Variants in ESRRB observed in about 807,000 individuals in gnomAD.
ESRRB encodes the protein estrogen related receptor beta.
ESRRB carries 16 observed loss-of-function variants against 46.0 expected under a neutral mutation model. The observed-to-expected ratio is 0.35, with a 90% CI of 0.24 to 0.53. The LOEUF (loss-of-function observed/expected upper bound fraction) is 0.53, where lower values mean the gene tolerates loss of function less well. Among genes scored for constraint, ESRRB ranks in the 20% least tolerant of loss-of-function variants. The pLI is 0.93. For synonymous variants in ESRRB, 246 were observed against 259.6 expected, an observed-to-expected ratio of 0.95 and a Z score of 0.50; for missense variants, 488 against 607.4, an observed-to-expected ratio of 0.80 and a Z score of 2.07.
intron 3 of ESRRB, among the ~76,000 whole-genome samples, chr14:76,479,204 C>T (rs1889703782): frequency 6.8e-6 from 1 of 147,314 alleles, no homozygotes. Context: ...CACACCTACT[C>T]AGCACTGTCT....
intron 3 of ESRRB, among the ~76,000 whole-genome samples, chr14:76,474,968 C>A (rs1889518929): frequency 6.6e-6 from 1 of 151,516 alleles, no homozygotes; most frequent in African/African-American, 2.4e-5. Flanking sequence ...GTGGTTCATA[C>A]CTGTAATCCC....
At chr14:76,415,409 C>A (rs774886258) in intron 1 of ESRRB, among the ~76,000 whole-genome samples, 6 of 152,146 alleles carry the variant, frequency 3.9e-5, no homozygotes, top group Non-Finnish European at 7.3e-5. Context: ...CTCCTGCAAT[C>A]CCAGCACTTT....
intron 1 of ESRRB, among the ~76,000 whole-genome samples, chr14:76,398,510 A>C (rs1231325044): frequency 2.0e-5 from 3 of 152,012 alleles, no homozygotes; most frequent in Admixed American, 6.6e-5. Context: ...CCACCTTGTC[A>C]CCTTTCATTT....
At chr14:76,354,233 CCCA>C (rs201319116) in intron 1 of ESRRB, among the ~76,000 whole-genome samples, 1,162 of 102,458 alleles carry the variant, frequency 0.011, 84 homozygotes, top group African/African-American at 0.044. Flanking sequence ...CGCCCCCCCC[CCCA>C]CCCACACTTC....
At chr14:76,425,647 G>A (rs1386097851) in intron 1 of ESRRB, among the ~76,000 whole-genome samples, 1 of 152,130 alleles carries the variant, frequency 6.6e-6, no homozygotes, top group Non-Finnish European at 1.5e-5. Context: ...CCTCAGAGAA[G>A]CCCTCTCTGG....
intron 1 of ESRRB, among the ~76,000 whole-genome samples, chr14:76,316,405 T>A (rs554169963): frequency 7.2e-5 from 11 of 152,288 alleles, no homozygotes; most frequent in African/African-American, 2.6e-4. Flanking sequence ...CTCCCTCCCC[T>A]CTGCTCCTGC....
At chr14:76,315,466 C>T (rs1883788573) in intron 1 of ESRRB, among the ~76,000 whole-genome samples, 1 of 152,190 alleles carries the variant, frequency 6.6e-6, no homozygotes, top group African/African-American at 2.4e-5. Context: ...AATCCTGGCG[C>T]TCACCTTTCT....
chr14:76,316,266 G>A (rs12436776), intron 1 of ESRRB, among the ~76,000 whole-genome samples: 15,375 of 152,210 alleles, frequency 0.1, 831 homozygotes, highest in South Asian at 0.15. Context: ...AGGGACTCAC[G>A]ATGCGGCCAG....
chr14:76,344,418 C>A (rs942857074), intron 1 of ESRRB, among the ~76,000 whole-genome samples: 1 of 151,960 alleles, frequency 6.6e-6, no homozygotes. Context: ...TACCCCTTGC[C>A]CCCCTCCCAC....
chr14:76,401,712 T>C (rs964969203), intron 1 of ESRRB, among the ~76,000 whole-genome samples: 12 of 152,154 alleles, frequency 7.9e-5, no homozygotes, highest in African/African-American at 2.9e-4. Flanking sequence ...CCATACAGCC[T>C]AGGGGTGTAG....
At position 76,451,789 on chromosome 14, in the gene ESRRB, A is replaced by ATT. The variant is rs111716273; in HGVS notation, c.461-10734_461-10733dup. Among the ~76,000 whole-genome samples the ATT allele has an allele frequency of 2.9e-3, 354 of 122,748 alleles. 8 individuals are homozygous for ATT. The highest frequency in any genetic ancestry group is 0.01 in the African/African-American group (333 of 32,992). 80.5% of individuals were successfully genotyped at this position (122,748 alleles called of 152,430 possible). A position where few individuals can be genotyped will look rare whatever the true frequency, so the allele number is the denominator to read the frequency against. The stretch of plus-strand genomic sequence containing the variant: ...AGGTGTGGGCCACCATGCCCAGCTA[A>ATT]TTTTTTTTTTTTTTTTTTTTTTTAG... On this transcript the variant is annotated intron_variant, in intron 2 of 6. Transcript: ENST00000644823.
chr14:76,478,892 G>C (rs1192268372), intron 3 of ESRRB, among the ~76,000 whole-genome samples: 1 of 152,140 alleles, frequency 6.6e-6, no homozygotes, highest in Admixed American at 6.6e-5. Flanking sequence ...GGGCTTGCAG[G>C]GGGTGAGGGA....
At chr14:76,468,627 T>C (rs1472031556) in intron 3 of ESRRB, among the ~76,000 whole-genome samples, 2 of 150,134 alleles carry the variant, frequency 1.3e-5, no homozygotes, top group African/African-American at 5.1e-5. Flanking sequence ...TGGTTAAACC[T>C]CATCTTCACC....
chr14:76,320,762 C>G (rs12880788), intron 1 of ESRRB, among the ~76,000 whole-genome samples: 65,987 of 152,010 alleles, frequency 0.43, 14,951 homozygotes, highest in South Asian at 0.52. Context: ...TTGGTGCCTT[C>G]ATGGTGTGAA....
rs3832965 is a variant in ESRRB, at chr14:76,446,369, G to GT, written c.460+6631dup. Among the ~76,000 whole-genome samples, 1,191 of 145,882 alleles carry GT rather than the reference G, an allele frequency of 8.2e-3. 5 individuals carry two copies. The highest frequency in any genetic ancestry group is 0.019 in the African/African-American group (759 of 39,856). On this transcript the variant is annotated intron_variant, in intron 2 of 6. Transcript: ENST00000644823. ...AAAGGGAGGTTTTTTTCTGTTGTTC[G>GT]TTTTTTTTTTTTGTTTTGTTTTTGT... is the stretch of plus-strand genomic sequence containing the variant.
chr14:76,497,182 TCTCCCACCTGATGACGAAGGAGTG>T (rs1178940032), intron 6 of ESRRB, among the ~76,000 whole-genome samples: 4 of 151,870 alleles, frequency 2.6e-5, no homozygotes, highest in African/African-American at 9.7e-5. Context: ...CCTTGCTTCA[TCTCCCACCTGATGACGAAGGAGTG>T]CTCACTGCCT....
chr14:76,486,390 C>T lies in ESRRB; in HGVS notation c.850+3631C>T, dbSNP rs536860650. Among the ~76,000 whole-genome samples, 88 of 152,260 alleles carry T rather than the reference C, an allele frequency of 5.8e-4. 1 individual carries two copies. The highest frequency in any genetic ancestry group is 1.9e-3 in the African/African-American group (79 of 41,552). On this transcript the variant is annotated intron_variant, in intron 5 of 6. Transcript: ENST00000644823. ...AGCGGCACTGCTCCCAGGTAGCCCC[C>T]ATCTGACTCAATGAAATATGAGCTG...
chr14:76,456,038 G>GCGCACACACACA (rs1555399437), intron 2 of ESRRB, among the ~76,000 whole-genome samples: 17 of 137,292 alleles, frequency 1.2e-4, no homozygotes, highest in African/African-American at 4.6e-4. Context: ...AGCGAAACTC[G>GCGCACACACACA]CACACACACA....
At chr14:76,493,213 G>A (rs975024356) in intron 6 of ESRRB, among the ~76,000 whole-genome samples, 21 of 152,116 alleles carry the variant, frequency 1.4e-4, no homozygotes, top group African/African-American at 3.6e-4. Context: ...GGCGTGCAGC[G>A]ATGCAATCTC....
Sources: gnomAD v4.1 joint callset for allele counts (sites outside exome capture counted in the v4.1 genomes callset) on GRCh38, gnomAD v4.1.1 for gene constraint, MANE v1.5 for transcripts, NCBI Gene and HGNC (gene_info 2026-07-23, HGNC 2026-07-21) for gene names.